Variants in STX5 observed in about 807,000 individuals in gnomAD.
STX5 encodes the protein syntaxin 5, also known as syntaxin-5.
In STX5, 15 loss-of-function variants were observed where a neutral mutation model predicts 42.9. That is an observed-to-expected ratio of 0.35 (90% confidence interval 0.23 to 0.54). The LOEUF is 0.54. STX5 is among the 20% of genes least tolerant of loss of function. STX5 has a pLI of 0.91. For missense variants in STX5, 430 were observed against 455.0 expected (o/e 0.95, Z 0.50); for synonymous variants, 184 against 173.2 (o/e 1.06, Z -0.49).
intron 10 of STX5, among the ~76,000 whole-genome samples, chr11:62,820,455 C>A (rs2084728571): frequency 6.6e-6 from 1 of 150,934 alleles, no homozygotes; most frequent in Admixed American, 6.6e-5. Context: ...GGGGAGATCA[C>A]TTGAGGCCAG....
At chr11:62,828,312 T>C (rs2134856314) in intron 2 of STX5, among the ~76,000 whole-genome samples, 1 of 152,194 alleles carries the variant, frequency 6.6e-6, no homozygotes, top group African/African-American at 2.4e-5. Flanking sequence ...AGGGTCTTGC[T>C]ATATTGCCCA....
chr11:62,823,604 G>A (rs1474265557), intron 10 of STX5, among the ~76,000 whole-genome samples: 2 of 152,026 alleles, frequency 1.3e-5, no homozygotes, highest in South Asian at 4.2e-4. Flanking sequence ...GGAGTGCAGT[G>A]GCACGATCTT....
intron 10 of STX5, among the ~76,000 whole-genome samples, chr11:62,816,481 A>G (rs2084674409): frequency 6.6e-6 from 1 of 151,986 alleles, no homozygotes; most frequent in Admixed American, 6.6e-5. Flanking sequence ...GGGTCTTGCT[A>G]TGTTGCCTAG....
At chr11:62,813,093 CAAAA>C (rs371506460) in intron 10 of STX5, among the ~76,000 whole-genome samples, 2 of 64,430 alleles carry the variant, frequency 3.1e-5, no homozygotes. Context: ...GACTCCGTCT[CAAAA>C]AAAAAAAAAA....
At chr11:62,812,572 C>T (rs914340670) in intron 10 of STX5, among the ~76,000 whole-genome samples, 9 of 151,878 alleles carry the variant, frequency 5.9e-5, no homozygotes, top group Non-Finnish European at 1.3e-4. Context: ...GCGCCGGTCA[C>T]CACACCCGGC....
chr11:62,814,743 C>T (rs1312669335), intron 10 of STX5, among the ~76,000 whole-genome samples: 1 of 150,826 alleles, frequency 6.6e-6, no homozygotes, highest in African/African-American at 2.4e-5. Context: ...TTCCTGCATG[C>T]GCCACCACGC....
rs1266648189 is a variant in STX5, at chr11:62,827,149, G to C, written c.423+6C>G. ...TGCTGGGCTCTCCTGATGGCTAGTA[G>C]CTCACCTGTTTGATGATATATGTTA... On this transcript the variant is annotated splice_donor_region_variant and intron_variant, in intron 5 of 10. Coordinates refer to ENST00000294179, the MANE Select transcript of STX5 (RefSeq NM_003164.5). 3 of 1,613,280 alleles carry C rather than the reference G, an allele frequency of 1.9e-6. No homozygotes were observed. The Admixed American group carries it at 5.0e-5, about 27-fold the overall frequency.
chr11:62,816,247 T>C (rs1002404303), intron 10 of STX5, among the ~76,000 whole-genome samples: 2 of 152,216 alleles, frequency 1.3e-5, no homozygotes, highest in Non-Finnish European at 2.9e-5. Context: ...GTGTTTATTA[T>C]GGTTCTTTCA....
In STX5 at chr11:62,807,462, A is replaced by G; in HGVS notation, c.*7T>C. 6.2e-7 allele frequency: 1 copy of G among 1,613,278 alleles called. No homozygotes were observed. The highest frequency in any genetic ancestry group is 1.7e-4 in the Middle Eastern group (1 of 5,854). ...ACCCCAACAGAGTGCCTCAGAGTAG[A>G]GAGGGTTCAAGCAAGGAAGACCACA... On this transcript the variant is annotated 3_prime_UTR_variant, in exon 11 of 11. Coordinates refer to ENST00000294179, the MANE Select transcript of STX5 (RefSeq NM_003164.5).
intron 10 of STX5, among the ~76,000 whole-genome samples, chr11:62,812,696 C>T (rs2084631146): frequency 6.6e-6 from 1 of 151,856 alleles, no homozygotes; most frequent in Non-Finnish European, 1.5e-5. Context: ...GCTGAGATTA[C>T]AGGCGTGAGC....
chr11:62,811,055 C>T (rs2084611896), intron 10 of STX5, among the ~76,000 whole-genome samples: 1 of 152,132 alleles, frequency 6.6e-6, no homozygotes, highest in African/African-American at 2.4e-5. Flanking sequence ...GGACACATTT[C>T]TCTCTCTGCT....
chr11:62,812,226 C>A lies in STX5; in HGVS notation c.909-4598G>T, dbSNP rs576885022. On this transcript the variant is annotated intron_variant, in intron 10 of 10. Transcript: ENST00000294179. ...CAGAGTAGCTGGGATTACAGGCATG[C>A]GCCACCATGCCTGGCTAATTTTGTA... Among the ~76,000 whole-genome samples, 70 of 150,000 alleles carry A rather than the reference C, an allele frequency of 4.7e-4. No individual in the cohort carries two copies. The South Asian group carries it at 0.014, about 29-fold the overall frequency.
chr11:62,825,948 C>A (rs1009168966), intron 5 of STX5, among the ~76,000 whole-genome samples: 2 of 152,160 alleles, frequency 1.3e-5, no homozygotes, highest in Non-Finnish European at 2.9e-5. Flanking sequence ...TTTCGAGAGG[C>A]ATCAACAGAA....
At chr11:62,830,955 G>A (rs1360703279) in intron 2 of STX5, 64 bp downstream of exon 2, 39 of 1,422,852 alleles carry the variant, frequency 2.7e-5, no homozygotes, top group Non-Finnish European at 3.7e-5. Context: ...AACAGTGGTG[G>A]AGCACAGTCC....
At chr11:62,821,500 G>T (rs1326112609) in intron 10 of STX5, among the ~76,000 whole-genome samples, 4 of 151,706 alleles carry the variant, frequency 2.6e-5, no homozygotes, top group Admixed American at 2.6e-4. Flanking sequence ...CGAAGTGGGC[G>T]GATTGCCTGA....
chr11:62,808,184 G>GGGA (rs1196644794), intron 10 of STX5: 1 of 154,678 alleles, frequency 6.5e-6, no homozygotes, highest in African/African-American at 2.4e-5. Context: ...CCAGCACTTT[G>GGGA]GGAGGCTGAG....
rs1484525411 is a variant in STX5, at chr11:62,824,200, G to A, written c.874C>T (p.His292Tyr). The change falls in exon 10 of 11, where the codon CAC (histidine) becomes TAC (tyrosine). Residue 292 changes from histidine (H) to tyrosine (Y), a missense_variant. Coordinates refer to ENST00000294179, the MANE Select transcript of STX5 (RefSeq NM_003164.5). ...GTTTCCTCCTGTTCCTTAACCATGT[G>A]TGCCAACTGCTGAAAGATGGAGCCC... ...ELGSIFQQLA[H>Y]MVKEQEETIQ... is the part of the protein sequence containing the mutation. 6.2e-7 allele frequency: 1 copy of A among 1,614,052 alleles called. No homozygotes were observed. The highest frequency in any genetic ancestry group is 8.5e-7 in the Non-Finnish European group (1 of 1,180,052).
chr11:62,817,639 G>C (rs925432402), intron 10 of STX5, among the ~76,000 whole-genome samples: 2 of 152,122 alleles, frequency 1.3e-5, no homozygotes, highest in Non-Finnish European at 2.9e-5. Context: ...TAATCCAGAT[G>C]ATGAGAATTA....
rs1323289000 is a variant in STX5 at position 62,831,181 on chromosome 11, TGA to T, written c.61_62del (p.Ser21LysfsTer13). 1.3e-6 allele frequency: 2 copies of T among 1,565,400 alleles called. No homozygotes were observed. Among genetic ancestry groups the T allele is most frequent in the Admixed American group, 1.9e-5 (1 of 52,450 alleles). ...TTGCAGGGGACAGGACCTGTGTCTT[TGA>T]GAGACCCAGGTAGACACCCTGATCC... is the stretch of plus-strand genomic sequence containing the variant. ...NTDQGVYLGL[S>X]KTQVLSPATA... On this transcript the variant is annotated frameshift_variant, in exon 2 of 11. Transcript: ENST00000294179. LOFTEE classifies it high-confidence loss of function.
Sources: allele counts gnomAD v4.1 joint callset (sites outside exome capture counted in the v4.1 genomes callset), GRCh38; gene constraint gnomAD v4.1.1; transcripts MANE v1.5; gene names NCBI Gene and HGNC (gene_info 2026-07-23, HGNC 2026-07-21).